Variants in MS4A14 observed in about 807,000 individuals in gnomAD.
MS4A14 encodes the protein membrane-spanning 4-domains subfamily A member 14.
A neutral mutation model predicts 16.7 loss-of-function variants in MS4A14; 18 were observed. That is an observed-to-expected ratio of 1.08 (90% CI 0.75 to 1.60). MS4A14 has a LOEUF of 1.60. MS4A14 is among the 40% of genes most tolerant of loss of function. The pLI is 0.00. For missense variants in MS4A14, 812 were observed against 775.3 expected, an observed-to-expected ratio of 1.05 and a Z score of -0.56; for synonymous variants, 305 against 289.4, an observed-to-expected ratio of 1.05 and a Z score of -0.55.
At chr11:60,410,751 G>A (rs1429298323) in intron 4 of MS4A14, among the ~76,000 whole-genome samples, 5 of 152,030 alleles carry the variant, frequency 3.3e-5, no homozygotes, top group Non-Finnish European at 7.4e-5. Flanking sequence ...TACTATATAT[G>A]TGATATAAGT....
rs1200663901 is a variant in MS4A14 at position 60,417,556 on chromosome 11, A to G, written c.*548A>G. On this transcript the variant is annotated 3_prime_UTR_variant, in exon 5 of 5. Transcript: ENST00000300187. ...CCCCCATTAATGGAATTAAATTGGG[A>G]AAAACAATATTGCCTCCTCCAATCT... 1 of 152,270 alleles carries G rather than the reference A, an allele frequency of 6.6e-6. No individual in the cohort carries two copies. The highest frequency in any genetic ancestry group is 1.5e-5 in the Non-Finnish European group (1 of 68,122). The allele number at this position is 152,270 out of a possible 1,614,324, so 9.4% of individuals were successfully genotyped here.
chr11:60,398,951 T>C (rs2085670017), intron 2 of MS4A14, among the ~76,000 whole-genome samples: 1 of 152,202 alleles, frequency 6.6e-6, no homozygotes, highest in Admixed American at 6.5e-5. Context: ...AGTGTGACTT[T>C]GTGTACTCTG....
At chr11:60,415,321 T>C (rs1455055130) in intron 4 of MS4A14, 116 bp from the exon 5 acceptor site, 4 of 1,111,230 alleles carry the variant, frequency 3.6e-6, no homozygotes, top group Non-Finnish European at 5.1e-6. Context: ...GCCTTCTCAT[T>C]TAGATGTTAT....
chr11:60,408,124 G>A (rs2085814682), intron 4 of MS4A14, among the ~76,000 whole-genome samples: 1 of 152,024 alleles, frequency 6.6e-6, no homozygotes, highest in African/African-American at 2.4e-5. Flanking sequence ...AGTTGTTAAC[G>A]CCATTTGTTG....
chr11:60,400,270 C>G (rs1265677056), intron 2 of MS4A14, 134 bp from the exon 3 acceptor site: 3 of 562,492 alleles, frequency 5.3e-6, no homozygotes, highest in Non-Finnish European at 6.4e-6. Flanking sequence ...CTTCCCTACT[C>G]CCTGATGCTC....
chr11:60,403,216 G>A, intron 4 of MS4A14, 155 bp downstream of exon 4: 2 of 746,738 alleles, frequency 2.7e-6, no homozygotes, highest in East Asian at 2.7e-5. Context: ...TGTTACAATG[G>A]TTAAGGAGCG....
In MS4A14 at chr11:60,396,592, C is replaced by T. The variant is rs1378929378; in HGVS notation, c.14C>T (p.Ser5Phe). Residue 5 changes from serine to phenylalanine, a missense_variant, in exon 1 of 5, where the codon TCC becomes TTC. Ser to Phe is a radical substitution (Grantham distance 155). Transcript: ENST00000300187. MEST[S>F]QDRRATHVIT... ...TGCCATAGAATCATGGAGTCAACAT[C>T]CCAGGACAGAAGGGCAACTCACGTC... 3.1e-6 allele frequency: 5 copies of T among 1,613,686 alleles called. No individual in the cohort carries two copies. Among genetic ancestry groups the T allele is most frequent in the African/African-American group, 2.7e-5 (2 of 74,884 alleles).
chr11:60,414,928 T>C (rs996179936), intron 4 of MS4A14, among the ~76,000 whole-genome samples: 4 of 152,108 alleles, frequency 2.6e-5, no homozygotes, highest in African/African-American at 7.2e-5. Flanking sequence ...CAGAATTAGG[T>C]CATCTTCTAT....
Position 60,396,849 on chromosome 11 carries a change from A to G in MS4A14, c.138+133A>G, listed in dbSNP as rs1274444395. The G allele has an allele frequency of 8.7e-6, 8 of 916,116 alleles. No homozygotes were observed. The East Asian group carries it at 1.3e-4, about 15-fold the overall frequency. 56.7% of individuals were successfully genotyped at this position (916,116 alleles called of 1,614,324 possible). ...TTCTACTTTTCCCCCTTCACCTTAC[A>G]TGAGAAATTAGTACTGATCTTTGAA... is the stretch of plus-strand genomic sequence containing the variant. On this transcript the variant is annotated intron_variant, in intron 1 of 4. Transcript: ENST00000300187.
chr11:60,409,657 T>A (rs761309966), intron 4 of MS4A14, among the ~76,000 whole-genome samples: 27 of 151,362 alleles, frequency 1.8e-4, no homozygotes, highest in Non-Finnish European at 3.2e-4. Flanking sequence ...TCTTGGCTCT[T>A]GTGAATAGCA....
At chr11:60,406,026 G>T (rs1189641342) in intron 4 of MS4A14, 45 of 1,255,258 alleles carry the variant, frequency 3.6e-5, no homozygotes, top group Non-Finnish European at 4.7e-5. Context: ...AAGAGAACAG[G>T]TTCCTGTTCC....
At chr11:60,414,060 GT>G (rs1263995064) in intron 4 of MS4A14, among the ~76,000 whole-genome samples, 1 of 152,200 alleles carries the variant, frequency 6.6e-6, no homozygotes, top group East Asian at 1.9e-4. Flanking sequence ...ACCAATTTTT[GT>G]GATGACTTTG....
rs140541388 is a variant in MS4A14, at chr11:60,402,772, C to T, written c.319-140C>T. On this transcript the variant is annotated intron_variant, in intron 3 of 4. Coordinates refer to ENST00000300187, the MANE Select transcript of MS4A14 (RefSeq NM_032597.5). ...ATGAGTTAGAATTTAGTTTATTAAG[C>T]CTTCCAATCATACTGACCTGATGGA... 828 of 806,666 alleles carry T rather than the reference C, an allele frequency of 1.0e-3. 12 individuals carry two copies. In the East Asian group the frequency reaches 0.019, roughly 18 times the overall value. 50.0% of individuals were successfully genotyped at this position (806,666 alleles called of 1,614,324 possible). A position where few individuals can be genotyped will look rare whatever the true frequency, so the allele number is the denominator to read the frequency against.
In MS4A14 at chr11:60,415,778, A is replaced by T. The variant is rs774172506; in HGVS notation, c.810A>T (p.Thr270=). The T allele has an allele frequency of 6.2e-6, 10 of 1,613,798 alleles. No homozygotes were observed. In the East Asian group the frequency reaches 2.2e-4, roughly 36 times the overall value. The change falls in exon 5 of 5, where the codon ACA becomes ACT. Residue 270 remains threonine, a synonymous_variant. Transcript: ENST00000300187. ...SENMSIQLDS[T]FKQMKDEDLQ... ...ATATGTCCATTCAGCTAGACTCTAC[A>T]TTTAAACAAATGAAAGATGAAGATC...
chr11:60,413,021 C>A (rs1196824650), intron 4 of MS4A14, among the ~76,000 whole-genome samples: 1 of 151,876 alleles, frequency 6.6e-6, no homozygotes, highest in Admixed American at 6.6e-5. Context: ...TCATTTCTCT[C>A]AGCACTATTT....
chr11:60,407,101 A>G (rs886748445), intron 4 of MS4A14, among the ~76,000 whole-genome samples: 2 of 141,160 alleles, frequency 1.4e-5, no homozygotes, highest in Non-Finnish European at 3.0e-5. Context: ...TGCAGCCTCA[A>G]TCTCCTGGAC....
chr11:60,415,094 G>T (rs1044642002), intron 4 of MS4A14, among the ~76,000 whole-genome samples: 3 of 151,918 alleles, frequency 2.0e-5, no homozygotes, highest in Admixed American at 2.0e-4. Context: ...AGTTCATCTG[G>T]GTGATCAATA....
intron 4 of MS4A14, among the ~76,000 whole-genome samples, chr11:60,414,508 A>G (rs981116463): frequency 6.6e-6 from 1 of 152,126 alleles, no homozygotes; most frequent in African/African-American, 2.4e-5. Context: ...GAAAGGTGTA[A>G]TTCATGGAGT....
rs201726394 is a variant in MS4A14 at position 60,416,819 on chromosome 11, G to A, written c.1851G>A (p.Pro617=). The A allele has an allele frequency of 4.5e-5, 72 of 1,613,510 alleles. No individual in the cohort carries two copies. The highest frequency in any genetic ancestry group is 1.1e-4 in the African/African-American group (8 of 74,854). The change falls in exon 5 of 5, where the codon CCG becomes CCA. Residue 617 remains proline (P), a synonymous_variant. Coordinates refer to ENST00000300187, the MANE Select transcript of MS4A14 (RefSeq NM_032597.5). ...AGCCGGCCCAAGAGAAGAAATCCCC[G>A]AAAGGACAATTCCAAAATGTTCAAG... ...EDQPAQEKKS[P]KGQFQNVQAE... is the part of the protein sequence containing the mutation.
Sources: allele counts gnomAD v4.1 joint callset (sites outside exome capture counted in the v4.1 genomes callset), GRCh38; gene constraint gnomAD v4.1.1; transcripts MANE v1.5; gene names NCBI Gene and HGNC (gene_info 2026-07-23, HGNC 2026-07-21).